The following EML1 variants were observed in gnomAD, a reference collection of about 807,000 sequenced individuals.
The protein encoded by EML1 is EMAP like 1, also known as echinoderm microtubule-associated protein-like 1.
In EML1, 27 loss-of-function variants were observed where a neutral mutation model predicts 110.4. The observed-to-expected ratio is 0.24, with a 90% CI of 0.18 to 0.34. EML1 has a LOEUF of 0.34. Among genes scored for constraint, EML1 ranks in the 10% least tolerant of loss-of-function variants. The pLI is 1.00. For synonymous variants in EML1, 344 were observed against 385.8 expected (o/e 0.89, Z 1.27); for missense variants, 741 against 1,030.9 (o/e 0.72, Z 3.85).
Position 99,853,385 on chromosome 14 carries a change from A to G in EML1, c.250+2350A>G, listed in dbSNP as rs541717419. On this transcript the variant is annotated intron_variant, in intron 2 of 21. Transcript: ENST00000262233. ...GGAGGGGCGTGCCCGTGGGAGGGGC[A>G]TGCCCACGGGAGGGGTGTGCCCGTG... Among the ~76,000 whole-genome samples the G allele has an allele frequency of 5.3e-5, 8 of 151,516 alleles. No individual in the cohort carries two copies. In the East Asian group the frequency reaches 1.6e-3, roughly 29 times the overall value.
At chr14:99,777,149 C>T (rs11844951) in intron 1 of EML1, among the ~76,000 whole-genome samples, 7,147 of 152,106 alleles carry the variant, frequency 0.047, 202 homozygotes, top group Middle Eastern at 0.054. Flanking sequence ...AATGAACAAA[C>T]TGAGAACAAA....
At chr14:99,847,733 A>G (rs2058729400) in intron 1 of EML1, among the ~76,000 whole-genome samples, 1 of 151,898 alleles carries the variant, frequency 6.6e-6, no homozygotes, top group South Asian at 2.1e-4. Flanking sequence ...CTGATAATTG[A>G]CCCTTTTTTC....
chr14:99,850,207 C>A, intron 1 of EML1: 1 of 1,070,156 alleles, frequency 9.3e-7, no homozygotes, highest in Non-Finnish European at 1.3e-6. Context: ...CCAAAGTGTT[C>A]TCTGTGTTCT....
At chr14:99,777,699 C>T (rs60757880) in intron 1 of EML1, among the ~76,000 whole-genome samples, 7,976 of 152,274 alleles carry the variant, frequency 0.052, 566 homozygotes, top group African/African-American at 0.16. Context: ...GGATTAGAAG[C>T]GTGAGCCACC....
intron 1 of EML1, among the ~76,000 whole-genome samples, chr14:99,779,798 C>T (rs1209979848): frequency 3.9e-5 from 6 of 152,206 alleles, no homozygotes; most frequent in African/African-American, 9.7e-5. Flanking sequence ...TGCTTCCCCT[C>T]CCCTCTGGTA....
intron 1 of EML1, among the ~76,000 whole-genome samples, chr14:99,811,769 C>G (rs913369209): frequency 4.6e-5 from 7 of 151,216 alleles, no homozygotes; most frequent in Non-Finnish European, 8.9e-5. Flanking sequence ...AAGATCACAT[C>G]CCTGCACTCC....
intron 9 of EML1, among the ~76,000 whole-genome samples, chr14:99,903,948 A>G (rs2059802252): frequency 6.6e-6 from 1 of 151,784 alleles, no homozygotes; most frequent in Admixed American, 6.6e-5. Flanking sequence ...ATGCCCAGCC[A>G]TTTTTTTGTA....
At chr14:99,841,764 T>C (rs890773153) in intron 1 of EML1, among the ~76,000 whole-genome samples, 3 of 152,172 alleles carry the variant, frequency 2.0e-5, no homozygotes, top group Non-Finnish European at 4.4e-5. Context: ...TTAAATCTTG[T>C]CTACCCTGTG....
intron 4 of EML1, among the ~76,000 whole-genome samples, chr14:99,884,916 A>T (rs1343979434): frequency 6.6e-6 from 1 of 152,106 alleles, no homozygotes; most frequent in African/African-American, 2.4e-5. Flanking sequence ...CCAACTCAGG[A>T]TCCCCTTTTT....
At chr14:99,739,255 C>G (rs2057013112) in intron 1 of EML1, among the ~76,000 whole-genome samples, 1 of 151,930 alleles carries the variant, frequency 6.6e-6, no homozygotes, top group Admixed American at 6.6e-5. Flanking sequence ...GCTGCGGGAG[C>G]CCCGGGAGCC....
At position 99,936,301 on chromosome 14, in the gene EML1, G is replaced by A. The variant is rs373460692; in HGVS notation, c.2062G>A (p.Val688Met). ...CTGGTCTGTAAACTCACAGTTCCTC[G>A]TGTCAAATTCCGGAGACTACGAAAT... The part of the protein sequence containing the change: ...LDWSVNSQFL[V>M]SNSGDYEILY... Residue 688 changes from valine (V) to methionine (M), a missense_variant, in exon 19 of 22, where the codon GTG becomes ATG. Transcript: ENST00000262233. The surrounding 1 kb of genome is among the most constrained non-coding windows in gnomAD (Gnocchi z 5.5). 240 of 1,613,890 alleles carry A rather than the reference G, an allele frequency of 1.5e-4. No individual in the cohort carries two copies. Among genetic ancestry groups the A allele is most frequent in the Non-Finnish European group, 1.8e-4 (207 of 1,180,028 alleles).
At chr14:99,754,505 C>G (rs921390599) in intron 1 of EML1, among the ~76,000 whole-genome samples, 1 of 152,230 alleles carries the variant, frequency 6.6e-6, no homozygotes, top group African/African-American at 2.4e-5. Flanking sequence ...AGGTTACAGA[C>G]GGACCTCCCA....
Position 99,940,861 on chromosome 14 carries a change from G to A in EML1, c.*749G>A, listed in dbSNP as rs898391850. 1 of 152,198 alleles carries A rather than the reference G, an allele frequency of 6.6e-6. No homozygotes were observed. Among genetic ancestry groups the A allele is most frequent in the African/African-American group, 2.4e-5 (1 of 41,436 alleles). The allele number at this position is 152,198 out of a possible 1,614,324, so 9.4% of individuals were successfully genotyped here. On this transcript the variant is annotated 3_prime_UTR_variant, in exon 22 of 22. Transcript: ENST00000262233. ...CCCTTGTTCACACGCCCTGATTCAC[G>A]GTGAGACATTTTGCCACCTTCTTGT...
chr14:99,814,411 C>T (rs188709260), intron 1 of EML1, among the ~76,000 whole-genome samples: 1 of 151,926 alleles, frequency 6.6e-6, no homozygotes, highest in South Asian at 2.1e-4. Context: ...ACAAATGTGC[C>T]CCACCAAGTC....
intron 1 of EML1, among the ~76,000 whole-genome samples, chr14:99,776,555 T>C (rs1471273622): frequency 6.6e-6 from 1 of 151,632 alleles, no homozygotes; most frequent in Non-Finnish European, 1.5e-5. Context: ...ATCCCTATGA[T>C]GTACAGCCGA....
intron 1 of EML1, among the ~76,000 whole-genome samples, chr14:99,845,361 T>A (rs1321106287): frequency 2.6e-5 from 4 of 152,234 alleles, no homozygotes; most frequent in African/African-American, 9.6e-5. Flanking sequence ...TGCCTATTTT[T>A]AAAATTGGAT....
rs751206510 is a variant in EML1 at position 99,939,523 on chromosome 14, C to G, written c.2322+196C>G. Among the ~76,000 whole-genome samples, 6 of 152,134 alleles carry G rather than the reference C, an allele frequency of 3.9e-5. No homozygotes were observed. The highest frequency in any genetic ancestry group is 2.1e-4 in the South Asian group (1 of 4,824). On this transcript the variant is annotated intron_variant, in intron 21 of 21. Coordinates refer to ENST00000262233, the MANE Select transcript of EML1 (RefSeq NM_004434.3). This position sits in a 1 kb window ranked among gnomAD's most constrained non-coding sequence, Gnocchi z 4.2. The stretch of plus-strand genomic sequence containing the variant: ...CCAAGCCCCACAGGACCCACAAAGC[C>G]GTTCAGAGCTGCTCATCCACCTCTG...
Position 99,778,136 on chromosome 14 carries a change from T to G in EML1, c.-27+4123T>G, listed in dbSNP as rs181264531. 1.9e-3 allele frequency among the ~76,000 whole-genome samples: 291 copies of G among 152,334 alleles called. 1 individual carries two copies. The highest frequency in any genetic ancestry group is 2.8e-3 in the Non-Finnish European group (193 of 68,024). On this transcript the variant is annotated intron_variant, in intron 1 of 22. Coordinates refer to the EML1 transcript ENST00000327921. ...GGCATTTTTTAATCTGTTAATGTCCTGCCAGGAAGATGAAGATTTAGTTCT... is the reference window on the plus strand; with the variant it reads ...GGCATTTTTTAATCTGTTAATGTCCGGCCAGGAAGATGAAGATTTAGTTCT...
intron 1 of EML1, among the ~76,000 whole-genome samples, chr14:99,811,984 C>G (rs1465941501): frequency 2.6e-5 from 4 of 151,938 alleles, no homozygotes; most frequent in African/African-American, 7.2e-5. Flanking sequence ...CTTGCTGTCT[C>G]AGAGGTGGCA....
Sources: allele counts gnomAD v4.1 joint callset (sites outside exome capture counted in the v4.1 genomes callset), GRCh38; gene constraint gnomAD v4.1.1; non-coding constraint Gnocchi (gnomAD v3.1); transcripts MANE v1.5; gene names NCBI Gene and HGNC (gene_info 2026-07-23, HGNC 2026-07-21).